The following VWA3B variants were observed in gnomAD, a reference collection of about 807,000 sequenced individuals.
VWA3B encodes von Willebrand factor A domain containing 3B, also known as von Willebrand factor A domain-containing protein 3B.
A neutral mutation model predicts 158.3 loss-of-function variants in VWA3B; 138 were observed. That is an observed-to-expected ratio of 0.87 (90% CI 0.76 to 1.00). The LOEUF is 1.00. Ranked by LOEUF, VWA3B falls within the 50% of genes least tolerant of loss-of-function variation. The probability of loss-of-function intolerance (pLI) is 0.00; values close to 1 mark genes in which losing one functional copy is unlikely to be tolerated. For missense variants in VWA3B, 1,555 were observed against 1,565.1 expected (o/e 0.99, Z 0.11); for synonymous variants, 596 against 587.3 (o/e 1.01, Z -0.21).
chr2:98,206,917 T>C (rs1029899611), intron 12 of VWA3B: 6 of 445,438 alleles, frequency 1.3e-5, no homozygotes, highest in African/African-American at 1.2e-4. Context: ...TGTTGTCAAC[T>C]TAAAAAATGT....
Position 98,312,525 on chromosome 2 carries a change from C to T in VWA3B, c.*176C>T. On this transcript the variant is annotated 3_prime_UTR_variant, in exon 28 of 28. Transcript: ENST00000477737. ...CCTCCATCCCTGCTGCCTCCCCTACCCGTTTGACGACTTGGTTCTGGCTTT... is the reference window on the plus strand; with the variant it reads ...CCTCCATCCCTGCTGCCTCCCCTACTCGTTTGACGACTTGGTTCTGGCTTT... 1 of 730,462 alleles carries T rather than the reference C, an allele frequency of 1.4e-6. No homozygotes were observed. The highest frequency in any genetic ancestry group is 2.1e-6 in the Non-Finnish European group (1 of 475,256). 45.2% of individuals were successfully genotyped at this position (730,462 alleles called of 1,614,324 possible).
At chr2:98,173,508 T>C (rs1679765679) in intron 8 of VWA3B, among the ~76,000 whole-genome samples, 1 of 152,272 alleles carries the variant, frequency 6.6e-6, no homozygotes, top group African/African-American at 2.4e-5. Context: ...AAATACCATG[T>C]AATTCTCCCA....
intron 14 of VWA3B, among the ~76,000 whole-genome samples, chr2:98,224,960 G>GT (rs1378909627): frequency 2.0e-5 from 3 of 147,268 alleles, no homozygotes; most frequent in Admixed American, 2.0e-4. Context: ...AAGAATATTT[G>GT]TTCTTTTTTT....
intron 3 of VWA3B, among the ~76,000 whole-genome samples, chr2:98,119,152 G>A (rs868106669): frequency 6.6e-6 from 1 of 152,206 alleles, no homozygotes; most frequent in African/African-American, 2.4e-5. Flanking sequence ...TTAGGAAAAC[G>A]TTTTAGTGAG....
chr2:98,280,570 C>A (rs540211442), intron 22 of VWA3B, among the ~76,000 whole-genome samples: 1 of 152,330 alleles, frequency 6.6e-6, no homozygotes, highest in African/African-American at 2.4e-5. Context: ...CGGCACAAAG[C>A]GCTACCAGCT....
chr2:98,095,308 G>A (rs570325285), intron 2 of VWA3B, among the ~76,000 whole-genome samples: 1 of 152,128 alleles, frequency 6.6e-6, no homozygotes, highest in South Asian at 2.1e-4. Context: ...CATGTTTATA[G>A]TTTTCCTTGT....
chr2:98,200,698 G>A (rs534176235), intron 12 of VWA3B, among the ~76,000 whole-genome samples: 77 of 152,236 alleles, frequency 5.1e-4, no homozygotes, highest in African/African-American at 1.5e-3. Context: ...TGATAAAGTC[G>A]AAGTTGCCAA....
intron 22 of VWA3B, among the ~76,000 whole-genome samples, chr2:98,276,172 C>A (rs139505875): frequency 1.3e-5 from 2 of 152,172 alleles, no homozygotes. Flanking sequence ...TCTTTCCACT[C>A]GTGGCATGGC....
At chr2:98,241,758 G>A (rs1434623889) in intron 19 of VWA3B, among the ~76,000 whole-genome samples, 1 of 152,018 alleles carries the variant, frequency 6.6e-6, no homozygotes, top group African/African-American at 2.4e-5. Flanking sequence ...GGTGCCTTCT[G>A]TGGCATTGTG....
intron 22 of VWA3B, among the ~76,000 whole-genome samples, chr2:98,286,715 G>A (rs62155276): frequency 0.039 from 5,920 of 152,158 alleles, 167 homozygotes; most frequent in Middle Eastern, 0.075. Context: ...CATTCATGGG[G>A]AATATAGGTC....
rs534859480 is a variant in VWA3B at position 98,129,175 on chromosome 2, C to T, written c.872+767C>T. ...CAGCTGCCTTCTCACTCTGTTCTCA[C>T]ACGGTGGAGAGAGAGAGTGAGAGAG... On this transcript the variant is annotated intron_variant, in intron 6 of 27. Transcript: ENST00000477737. Among the ~76,000 whole-genome samples the T allele has an allele frequency of 2.6e-5, 4 of 151,180 alleles. No homozygotes were observed. The South Asian group carries it at 8.3e-4, about 32-fold the overall frequency.
In VWA3B at chr2:98,119,508, T is replaced by C; in HGVS notation, c.292-5T>C. ...TTATTGTTTTTGTCTTTTATTTTCA[T>C]TAAGCTGACAGCTAAATCAGAACTG... On this transcript the variant is annotated splice_polypyrimidine_tract_variant and splice_region_variant and intron_variant, in intron 3 of 27. Coordinates refer to ENST00000477737, the MANE Select transcript of VWA3B (RefSeq NM_144992.5). 1 of 1,612,906 alleles carries C rather than the reference T, an allele frequency of 6.2e-7. No homozygotes were observed. Among genetic ancestry groups the C allele is most frequent in the Non-Finnish European group, 8.5e-7 (1 of 1,179,470 alleles).
downstream of VWA3B, among the ~76,000 whole-genome samples, chr2:98,313,852 A>T (rs1235816757): frequency 6.6e-6 from 1 of 152,214 alleles, no homozygotes; most frequent in Non-Finnish European, 1.5e-5. Context: ...ATTGCAGTGC[A>T]CAAGGCCATC....
chr2:98,111,304 A>G (rs1364809039), intron 2 of VWA3B, among the ~76,000 whole-genome samples: 2 of 152,244 alleles, frequency 1.3e-5, no homozygotes, highest in Non-Finnish European at 2.9e-5. Flanking sequence ...GTAGTATTCC[A>G]TAGTCTATAC....
intron 9 of VWA3B, 96 bp from the exon 10 acceptor site, chr2:98,187,879 G>C: frequency 7.6e-7 from 1 of 1,314,086 alleles, no homozygotes; most frequent in South Asian, 1.7e-5. Context: ...TGGAGTGCTA[G>C]GAGCCACTTG....
At chr2:98,158,312 G>A (rs748928292) in intron 7 of VWA3B, among the ~76,000 whole-genome samples, 3 of 152,012 alleles carry the variant, frequency 2.0e-5, no homozygotes, top group Admixed American at 6.6e-5. Flanking sequence ...AAAGTCAGCC[G>A]GTGCACACAC....
rs550929819 is a variant in VWA3B at position 98,242,132 on chromosome 2, C to T, written c.2673+5402C>T. ...GCGTCCTCCTCCTGTGTTCTGTGCA[C>T]GGCCACATCTGTCTGCATAGAGTTG... On this transcript the variant is annotated intron_variant, in intron 19 of 27. Coordinates refer to ENST00000477737, the MANE Select transcript of VWA3B (RefSeq NM_144992.5). The T allele has an allele frequency of 5.1e-4, 215 of 423,622 alleles. 1 individual carries two copies. The highest frequency in any genetic ancestry group is 3.6e-3 in the African/African-American group (175 of 48,718). 26.2% of individuals were successfully genotyped at this position (423,622 alleles called of 1,614,324 possible). A position where few individuals can be genotyped will look rare whatever the true frequency, so the allele number is the denominator to read the frequency against.
the VWA3B span, among the ~76,000 whole-genome samples, chr2:98,321,193 T>C: frequency 1.3e-5 from 2 of 152,204 alleles, no homozygotes; most frequent in Admixed American, 6.5e-5. Flanking sequence ...TTGGAACCTC[T>C]GCCTAGATTT....
At chr2:98,286,853 C>T (rs750545821) in intron 22 of VWA3B, among the ~76,000 whole-genome samples, 1 of 152,048 alleles carries the variant, frequency 6.6e-6, no homozygotes, top group African/African-American at 2.4e-5. Flanking sequence ...TTCAGTTCTC[C>T]AGCCAGAAAT....
Sources: allele counts gnomAD v4.1 joint callset (sites outside exome capture counted in the v4.1 genomes callset), GRCh38; gene constraint gnomAD v4.1.1; transcripts MANE v1.5; gene names NCBI Gene and HGNC (gene_info 2026-07-23, HGNC 2026-07-21).